EPB41L2: variants seen among roughly 807,000 people sequenced by gnomAD.
EPB41L2 encodes the protein band 4.1-like protein 2.
In EPB41L2, 43 loss-of-function variants were observed where a neutral mutation model predicts 113.0. The observed-to-expected ratio is 0.38, with a 90% CI of 0.30 to 0.49. The LOEUF is 0.49. EPB41L2 is among the 20% of genes least tolerant of loss of function. The pLI, the probability that EPB41L2 is intolerant of heterozygous loss-of-function variation, is 0.95. For missense variants in EPB41L2, 1,147 were observed against 1,223.4 expected (o/e 0.94, Z 0.93); for synonymous variants, 442 against 436.7 (o/e 1.01, Z -0.15).
intron 1 of EPB41L2, among the ~76,000 whole-genome samples, chr6:130,958,468 C>CAAAAAA (rs200548809): frequency 5.2e-4 from 59 of 113,520 alleles, no homozygotes; most frequent in Non-Finnish European, 7.3e-4. Flanking sequence ...ACAACAACAA[C>CAAAAAA]AAAAAAAAAA....
At chr6:130,874,501 C>T (rs1349142779) in intron 14 of EPB41L2, among the ~76,000 whole-genome samples, 1 of 152,050 alleles carries the variant, frequency 6.6e-6, no homozygotes, top group Non-Finnish European at 1.5e-5. Flanking sequence ...CTCCCGTAGA[C>T]AAATGCTCAC....
intron 11 of EPB41L2, among the ~76,000 whole-genome samples, chr6:130,888,609 C>G (rs1791800808): frequency 6.6e-6 from 1 of 152,130 alleles, no homozygotes; most frequent in Admixed American, 6.5e-5. Flanking sequence ...CCAGAAAGAG[C>G]AATCATTTCT....
At chr6:130,847,389 C>T (rs1409864210) in intron 19 of EPB41L2, among the ~76,000 whole-genome samples, 3 of 152,140 alleles carry the variant, frequency 2.0e-5, no homozygotes, top group Admixed American at 2.0e-4. Flanking sequence ...TGTTCCTATG[C>T]CTTCCCCTCT....
intron 14 of EPB41L2, among the ~76,000 whole-genome samples, chr6:130,873,103 C>A (rs1562355909): frequency 6.6e-6 from 1 of 152,148 alleles, no homozygotes; most frequent in Non-Finnish European, 1.5e-5. Context: ...ACTCTCTGTA[C>A]AACAAACATT....
intron 4 of EPB41L2, among the ~76,000 whole-genome samples, chr6:130,920,293 A>G (rs1802453494): frequency 6.6e-6 from 1 of 152,190 alleles, no homozygotes; most frequent in Admixed American, 6.5e-5. Context: ...CGTACACACT[A>G]GCACTCTTTC....
chr6:130,899,370 C>G (rs1795627778), intron 8 of EPB41L2, 121 bp downstream of exon 8: 2 of 739,034 alleles, frequency 2.7e-6, no homozygotes, highest in Non-Finnish European at 4.6e-6. Flanking sequence ...TTCCAGAGAC[C>G]CTCAATTGAA....
intron 1 of EPB41L2, among the ~76,000 whole-genome samples, chr6:131,022,013 T>TAA (rs779440547): frequency 2.7e-4 from 41 of 152,164 alleles, no homozygotes; most frequent in Admixed American, 3.3e-4. Context: ...TCTATTATTA[T>TAA]TACATTGTAA....
At chr6:130,942,391 A>G (rs1811167742) in intron 3 of EPB41L2, among the ~76,000 whole-genome samples, 1 of 152,234 alleles carries the variant, frequency 6.6e-6, no homozygotes, top group Admixed American at 6.5e-5. Context: ...CTATGTCAGT[A>G]ACATCATCTT....
At chr6:130,937,234 G>A (rs1809117226) in intron 3 of EPB41L2, among the ~76,000 whole-genome samples, 1 of 152,154 alleles carries the variant, frequency 6.6e-6, no homozygotes, top group Admixed American at 6.5e-5. Context: ...TATCCACGAT[G>A]TATTATAGCA....
intron 4 of EPB41L2, among the ~76,000 whole-genome samples, chr6:130,921,461 G>T (rs898177515): frequency 2.6e-5 from 4 of 152,114 alleles, no homozygotes; most frequent in Non-Finnish European, 5.9e-5. Context: ...CTGCCAGCTT[G>T]CCTACCCCTC....
At chr6:130,936,064 T>G (rs1808679765) in intron 3 of EPB41L2, among the ~76,000 whole-genome samples, 1 of 152,236 alleles carries the variant, frequency 6.6e-6, no homozygotes, top group African/African-American at 2.4e-5. Flanking sequence ...AATAAACACC[T>G]CTGTCAGTTC....
At chr6:131,021,511 A>G (rs192743100) in intron 1 of EPB41L2, among the ~76,000 whole-genome samples, 3 of 152,186 alleles carry the variant, frequency 2.0e-5, no homozygotes, top group Admixed American at 2.0e-4. Context: ...TAAACAAAAA[A>G]TTAGGCAGGC....
At chr6:130,860,687 T>C (rs1384589426) in intron 18 of EPB41L2, among the ~76,000 whole-genome samples, 2 of 152,036 alleles carry the variant, frequency 1.3e-5, no homozygotes, top group Non-Finnish European at 1.5e-5. Flanking sequence ...CGCCTGCCAC[T>C]GCGCCCGGCT....
chr6:130,982,567 C>G (rs992112215), intron 1 of EPB41L2, among the ~76,000 whole-genome samples: 1 of 152,138 alleles, frequency 6.6e-6, no homozygotes, highest in Non-Finnish European at 1.5e-5. Context: ...TATCTAAATT[C>G]TAGAGAAACG....
chr6:130,969,217 CAA>C, intron 1 of EPB41L2, among the ~76,000 whole-genome samples: 1 of 143,304 alleles, frequency 7.0e-6, no homozygotes, highest in African/African-American at 2.5e-5. Context: ...TTCCTTGTGA[CAA>C]AAAAAAAAAT....
At chr6:130,856,603 T>C (rs1361297297) in intron 19 of EPB41L2, among the ~76,000 whole-genome samples, 2 of 152,238 alleles carry the variant, frequency 1.3e-5, no homozygotes, top group East Asian at 3.8e-4. Context: ...TGCCTCCTAG[T>C]GGATGCAACA....
chr6:130,915,387 C>A (rs1008010716), intron 4 of EPB41L2, among the ~76,000 whole-genome samples: 8 of 152,202 alleles, frequency 5.3e-5, no homozygotes, highest in African/African-American at 1.9e-4. Flanking sequence ...GAAATATGTT[C>A]CATCTTTATT....
chr6:131,060,794 A>AT (rs1798502188), intron 1 of EPB41L2, among the ~76,000 whole-genome samples: 1 of 152,088 alleles, frequency 6.6e-6, no homozygotes, highest in Non-Finnish European at 1.5e-5. Context: ...TTAGATGGTT[A>AT]TTTTTTTGGT....
rs1477499680 is a variant in EPB41L2, at chr6:130,890,306, T to G, written c.1648A>C (p.Ser550Arg). 3.1e-6 allele frequency: 5 copies of G among 1,609,336 alleles called. No homozygotes were observed. Among genetic ancestry groups the G allele is most frequent in the Middle Eastern group, 1.7e-4 (1 of 6,026 alleles). ...ERTSSKRVSR[S>R]LDGAPIGVMD... Reference sequence around the variant, plus strand: ...TAAATGTGTTTACCTCCATCTAGACTCCTGGAGACCCGTTTACTAGAAGTG... The same window carrying G: ...TAAATGTGTTTACCTCCATCTAGACGCCTGGAGACCCGTTTACTAGAAGTG... The change falls in exon 11 of 20, where the codon AGT becomes CGT. Residue 550 changes from serine to arginine, a missense_variant. Ser to Arg is a moderately radical substitution (Grantham distance 110). Coordinates refer to ENST00000337057, the MANE Select transcript of EPB41L2 (RefSeq NM_001431.4).
Sources: gnomAD v4.1 joint callset for allele counts (sites outside exome capture counted in the v4.1 genomes callset) on GRCh38, gnomAD v4.1.1 for gene constraint, MANE v1.5 for transcripts, NCBI Gene and HGNC (gene_info 2026-07-23, HGNC 2026-07-21) for gene names.